The following COL19A1 variants were observed in gnomAD, a reference collection of about 807,000 sequenced individuals.
COL19A1 encodes collagen type XIX alpha 1 chain.
In COL19A1, 159 loss-of-function variants were observed where a neutral mutation model predicts 190.2. That is an observed-to-expected ratio of 0.84 (90% CI 0.73 to 0.95). The LOEUF (loss-of-function observed/expected upper bound fraction) is 0.95. Ranked by LOEUF, COL19A1 falls within the 40% of genes least tolerant of loss-of-function variation. COL19A1 has a pLI of 0.00. For missense variants in COL19A1, 1,418 were observed against 1,431.9 expected, an observed-to-expected ratio of 0.99 and a Z score of 0.16; for synonymous variants, 509 against 458.9, an observed-to-expected ratio of 1.11 and a Z score of -1.39.
At chr6:70,161,160 TC>T (rs1309831187) in intron 34 of COL19A1, among the ~76,000 whole-genome samples, 1 of 152,168 alleles carries the variant, frequency 6.6e-6, no homozygotes, top group African/African-American at 2.4e-5. Flanking sequence ...ATTAAAGCGT[TC>T]CAAATTTAAA....
At chr6:69,929,152 A>T (rs1446519522) in intron 5 of COL19A1, among the ~76,000 whole-genome samples, 4 of 140,354 alleles carry the variant, frequency 2.8e-5, no homozygotes, top group African/African-American at 8.7e-5. Context: ...CATTTAAAAT[A>T]ACTACACACA....
At chr6:70,093,222 G>A (rs942608869) in intron 15 of COL19A1, among the ~76,000 whole-genome samples, 2 of 152,144 alleles carry the variant, frequency 1.3e-5, no homozygotes, top group Admixed American at 6.6e-5. Context: ...CAGTATGGGA[G>A]TGTGCTGCCT....
chr6:70,119,105 T>A (rs906907848), intron 16 of COL19A1, among the ~76,000 whole-genome samples: 1 of 152,214 alleles, frequency 6.6e-6, no homozygotes, highest in African/African-American at 2.4e-5. Context: ...CACATTTGCT[T>A]TCTTGCTTCT....
chr6:69,964,085 C>T (rs1774958894), intron 11 of COL19A1, among the ~76,000 whole-genome samples: 1 of 152,150 alleles, frequency 6.6e-6, no homozygotes, highest in African/African-American at 2.4e-5. Flanking sequence ...GGAGAATAAT[C>T]TCAAATTGGA....
intron 2 of COL19A1, among the ~76,000 whole-genome samples, chr6:69,896,336 G>A (rs1769741725): frequency 6.6e-6 from 1 of 151,814 alleles, no homozygotes; most frequent in Non-Finnish European, 1.5e-5. Flanking sequence ...AGGAGATCGA[G>A]ACCATCCTGG....
intron 17 of COL19A1, among the ~76,000 whole-genome samples, chr6:70,125,372 A>C (rs1785133804): frequency 1.3e-5 from 2 of 152,192 alleles, no homozygotes; most frequent in Admixed American, 1.3e-4. Flanking sequence ...TGGGAGAATG[A>C]GTAACAGACT....
At chr6:69,891,042 A>C (rs758112148) in intron 2 of COL19A1, 61 of 365,700 alleles carry the variant, frequency 1.7e-4, no homozygotes, top group Non-Finnish European at 3.9e-5. Context: ...CTCCAGTTGC[A>C]TGACCATTTG....
chr6:70,010,056 C>A (rs1368729907), intron 11 of COL19A1, among the ~76,000 whole-genome samples: 3 of 151,982 alleles, frequency 2.0e-5, no homozygotes, highest in Admixed American at 2.0e-4. Context: ...AACTATGACA[C>A]TAAAAAGTCA....
intron 11 of COL19A1, among the ~76,000 whole-genome samples, chr6:70,007,665 T>G (rs1372653159): frequency 6.6e-6 from 1 of 151,964 alleles, no homozygotes; most frequent in Non-Finnish European, 1.5e-5. Context: ...TATTTAAAGA[T>G]TTCAATACTC....
intron 11 of COL19A1, among the ~76,000 whole-genome samples, chr6:69,997,698 G>A (rs1033508333): frequency 2.0e-5 from 3 of 151,812 alleles, no homozygotes; most frequent in Non-Finnish European, 4.4e-5. Context: ...AGAAAGACGA[G>A]AAAGAAAAAT....
At chr6:70,179,657 T>G (rs2150284342) in intron 42 of COL19A1, among the ~76,000 whole-genome samples, 1 of 152,254 alleles carries the variant, frequency 6.6e-6, no homozygotes, top group South Asian at 2.1e-4. Flanking sequence ...TGCCCATTTC[T>G]CCACTCCCAA....
At chr6:69,953,130 GA>G (rs955369768) in intron 9 of COL19A1, among the ~76,000 whole-genome samples, 36 of 150,246 alleles carry the variant, frequency 2.4e-4, no homozygotes, top group Middle Eastern at 3.4e-3. Context: ...AAATGAGGAG[GA>G]AAAAAAAAGA....
chr6:70,190,186 G>A, intron 47 of COL19A1, 129 bp from the exon 48 acceptor site: 1 of 698,276 alleles, frequency 1.4e-6, no homozygotes, highest in Non-Finnish European at 2.4e-6. Context: ...ATAATCAATT[G>A]CCAAAAGCAT....
At chr6:69,969,415 T>G (rs776998730) in intron 11 of COL19A1, among the ~76,000 whole-genome samples, 2 of 152,198 alleles carry the variant, frequency 1.3e-5, no homozygotes, top group Non-Finnish European at 2.9e-5. Flanking sequence ...GTGATTTTTT[T>G]TTGTCTTAGT....
chr6:70,131,763 T>C (rs1227565902), intron 18 of COL19A1, among the ~76,000 whole-genome samples: 1 of 152,214 alleles, frequency 6.6e-6, no homozygotes, highest in African/African-American at 2.4e-5. Context: ...AAATGATGAT[T>C]CATTTCTTGA....
At chr6:69,966,099 T>C (rs1775075829) in intron 11 of COL19A1, among the ~76,000 whole-genome samples, 1 of 152,232 alleles carries the variant, frequency 6.6e-6, no homozygotes, top group South Asian at 2.1e-4. Flanking sequence ...TGTAACCAAA[T>C]GTAAATGCAT....
At position 70,053,432 on chromosome 6, in the gene COL19A1, A is replaced by G. The variant is rs1344876395; in HGVS notation, c.1171-14991A>G. Among the ~76,000 whole-genome samples, 4 of 152,188 alleles carry G rather than the reference A, an allele frequency of 2.6e-5. No homozygotes were observed. In the East Asian group the frequency reaches 7.7e-4, roughly 29 times the overall value. ...ATTATTTGGAAGTCACATACTACCC[A>G]TGTTACCAACCCAATAGACTGGAAA... On this transcript the variant is annotated intron_variant, in intron 14 of 50. Transcript: ENST00000620364.
chr6:70,182,254 A>C (rs950822276), intron 44 of COL19A1, among the ~76,000 whole-genome samples: 2 of 152,218 alleles, frequency 1.3e-5, no homozygotes, highest in African/African-American at 4.8e-5. Context: ...CTGATGGACT[A>C]ATCTAGAGAA....
chr6:69,911,577 A>C (rs1770919828), intron 4 of COL19A1, among the ~76,000 whole-genome samples: 2 of 152,362 alleles, frequency 1.3e-5, no homozygotes, highest in Admixed American at 6.5e-5. Context: ...GGCTGGTTGA[A>C]TTTGAGACTG....
Sources: allele counts gnomAD v4.1 joint callset (sites outside exome capture counted in the v4.1 genomes callset), GRCh38; gene constraint gnomAD v4.1.1; transcripts MANE v1.5; gene names NCBI Gene and HGNC (gene_info 2026-07-23, HGNC 2026-07-21).